PTPRN: variants seen among roughly 807,000 people sequenced by gnomAD.
PTPRN encodes the protein receptor-type tyrosine-protein phosphatase-like N.
In PTPRN, 70 loss-of-function variants were observed where a neutral mutation model predicts 108.5. The ratio of observed to expected loss-of-function variants is 0.65; its 90% confidence interval spans 0.53 to 0.79. PTPRN has a LOEUF of 0.79. PTPRN is among the 30% of genes least tolerant of loss of function. The pLI is 0.00. For synonymous variants in PTPRN, 496 were observed against 524.6 expected (o/e 0.95, Z 0.75); for missense variants, 1,136 against 1,295.5 (o/e 0.88, Z 1.89).
rs1433350879 is a variant in PTPRN, at chr2:219,302,835, G to C, written c.380C>G (p.Ser127Cys). 6.2e-7 allele frequency: 1 copy of C among 1,610,350 alleles called. No individual in the cohort carries two copies. The change falls in exon 5 of 23, where the codon TCT (serine) becomes TGT (cysteine). Residue 127 changes from serine (S) to cysteine (C), a missense_variant and splice_region_variant. Transcript: ENST00000295718. ...ACCAGGTCTCTTGGGTGCCAAGCCA[G>C]ACCTGTAGAGGAAAGCAAAGTGTGT... Reference protein sequence around the residue: ...RPPEPRPRDRSGLAPKRPGPA... With the variant: ...RPPEPRPRDRCGLAPKRPGPA...
chr2:219,302,282 C>T lies in PTPRN; in HGVS notation c.849G>A (p.Gln283=), dbSNP rs767180112. Residue 283 remains glutamine, a synonymous_variant, in exon 6 of 23, where the codon CAG becomes CAA. Transcript: ENST00000295718. ...TGGCCCTGCTGGGTGCTGGCAACTC[C>T]TGGGCCAGATAGAGCAGCCCAGAGT... The part of the protein sequence containing the change: ...FQDSGLLYLA[Q]ELPAPSRARV... The T allele has an allele frequency of 6.2e-6, 10 of 1,614,068 alleles. No homozygotes were observed. The East Asian group carries it at 2.2e-4, about 36-fold the overall frequency.
Position 219,297,332 on chromosome 2 carries a change from G to A in PTPRN, c.1989C>T (p.Asp663=), listed in dbSNP as rs17847405. 36,909 of 1,613,980 alleles carry A rather than the reference G, an allele frequency of 0.023. 900 individuals are homozygous for A. Among genetic ancestry groups the A allele is most frequent in the East Asian group, 0.097 (4,372 of 44,876 alleles). ...RVSSVSSQFS[D]AAQASPSSHS... Reference sequence around the variant, plus strand: ...GGGAGCTGGGGCTGGCCTGGGCTGCGTCGCTGAACTGGGAGGACACACTGC... The same window carrying A: ...GGGAGCTGGGGCTGGCCTGGGCTGCATCGCTGAACTGGGAGGACACACTGC... Residue 663 remains aspartate (D), a synonymous_variant, in exon 14 of 23, where the codon GAC becomes GAT. Transcript: ENST00000295718. This position sits in a 1 kb window ranked among gnomAD's most constrained non-coding sequence, Gnocchi z 6.0.
chr2:219,300,894 G>C, intron 8 of PTPRN, 49 bp downstream of exon 8: 1 of 1,593,510 alleles, frequency 6.3e-7, no homozygotes, highest in Non-Finnish European at 8.6e-7. Context: ...TGGCAAGGGG[G>C]CGTGCTGCCA....
In PTPRN at chr2:219,296,861, G is replaced by C; in HGVS notation, c.2237-39C>G. 1 of 1,613,956 alleles carries C rather than the reference G, an allele frequency of 6.2e-7. No individual in the cohort carries two copies. The highest frequency in any genetic ancestry group is 8.5e-7 in the Non-Finnish European group (1 of 1,179,892). On this transcript the variant is annotated intron_variant, in intron 15 of 22. Transcript: ENST00000295718. This position sits in a 1 kb window ranked among gnomAD's most constrained non-coding sequence, Gnocchi z 6.0. ...ACACCCCACCCCAGATGGCCCTCTGGTCATTGGCATCGCGGGACCTCTGCC... is the reference window on the plus strand; with the variant it reads ...ACACCCCACCCCAGATGGCCCTCTGCTCATTGGCATCGCGGGACCTCTGCC...
In PTPRN at chr2:219,300,105, G is replaced by A. The variant is rs746098477; in HGVS notation, c.1316C>T (p.Pro439Leu). 1.9e-6 allele frequency: 3 copies of A among 1,614,174 alleles called. No individual in the cohort carries two copies. Among genetic ancestry groups the A allele is most frequent in the Non-Finnish European group, 2.5e-6 (3 of 1,180,006 alleles). ...CTTCTCTAGCAGGACAGGTGTCACA[G>A]GGGGTCTGGCAGCTTTGGGAGGCTC... ...SSEPPKAARP[P>L]VTPVLLEKKS... Residue 439 changes from proline (P) to leucine (L), a missense_variant, in exon 9 of 23, where the codon CCT (proline) becomes CTT (leucine). By Grantham distance (98) the Pro-to-Leu change is moderately conservative. Coordinates refer to ENST00000295718, the MANE Select transcript of PTPRN (RefSeq NM_002846.4).
Position 219,309,202 on chromosome 2 carries a change from CAA to C in PTPRN, c.115+14_115+15del. The C allele has an allele frequency of 6.6e-7, 1 of 1,516,600 alleles. No individual in the cohort carries two copies. The highest frequency in any genetic ancestry group is 8.9e-7 in the Non-Finnish European group (1 of 1,125,994). 93.9% of individuals were successfully genotyped at this position (1,516,600 alleles called of 1,614,324 possible). A position where few individuals can be genotyped will look rare whatever the true frequency, so the allele number is the denominator to read the frequency against. On this transcript the variant is annotated intron_variant, in intron 1 of 22. Coordinates refer to ENST00000295718, the MANE Select transcript of PTPRN (RefSeq NM_002846.4). ...CCCCGCCCCCCACCACCCGCCAGCCCAAGTTTCCTCCTGACCGTGGGCACTAA... is the reference window on the plus strand; with the variant it reads ...CCCCGCCCCCCACCACCCGCCAGCCCGTTTCCTCCTGACCGTGGGCACTAA...
rs1162635372 is a variant in PTPRN at position 219,307,468 on chromosome 2, C to T, written c.256G>A (p.Val86Met). Residue 86 changes from valine (V) to methionine (M), a missense_variant, in exon 3 of 23, where the codon GTG (valine) becomes ATG (methionine). By Grantham distance (21) the Val-to-Met change is conservative. Transcript: ENST00000295718. ...CCTTGGGACATGAGTTGTCGGAGCACACCTTGTAAGCGTTGGAGAACTGGG... is the reference window on the plus strand; with the variant it reads ...CCTTGGGACATGAGTTGTCGGAGCATACCTTGTAAGCGTTGGAGAACTGGG... ...TSPVLQRLQG[V>M]LRQLMSQGLS... 6.2e-7 allele frequency: 1 copy of T among 1,614,140 alleles called. No individual in the cohort carries two copies. The highest frequency in any genetic ancestry group is 8.5e-7 in the Non-Finnish European group (1 of 1,180,016).
chr2:219,307,077 A>G (rs901162955), intron 3 of PTPRN: 4 of 174,598 alleles, frequency 2.3e-5, no homozygotes, highest in Non-Finnish European at 4.8e-5. Context: ...TATGCCTGCT[A>G]CATAGTAAGT....
At chr2:219,293,963 CCT>C (rs745910267) in intron 19 of PTPRN, 11 of 425,830 alleles carry the variant, frequency 2.6e-5, no homozygotes, top group Non-Finnish European at 3.4e-5. Flanking sequence ...TCAGGTAGCC[CCT>C]GTCTAGTCCC....
intron 3 of PTPRN, among the ~76,000 whole-genome samples, chr2:219,305,882 G>T (rs1952472420): frequency 6.6e-6 from 1 of 152,156 alleles, no homozygotes; most frequent in Non-Finnish European, 1.5e-5. Context: ...GAGCGCGGTT[G>T]CTCACACCTG....
chr2:219,306,556 AAATC>A (rs1952489047), intron 3 of PTPRN, among the ~76,000 whole-genome samples: 1 of 152,208 alleles, frequency 6.6e-6, no homozygotes, highest in Non-Finnish European at 1.5e-5. Context: ...CCCAAGCTCC[AAATC>A]TTGTAATAGT....
At position 219,296,458 on chromosome 2, in the gene PTPRN, G is replaced by A. The variant is rs745631179; in HGVS notation, c.2369C>T (p.Thr790Ile). 5.5e-5 allele frequency: 89 copies of A among 1,614,070 alleles called. No homozygotes were observed. Among genetic ancestry groups the A allele is most frequent in the Non-Finnish European group, 7.4e-5 (87 of 1,180,030 alleles). ...GCCCACCTGCCAGAAGTCTGCGATG[G>A]TATGGGACAGCGGGCCCTGCGTGGC... ...YIATQGPLSH[T>I]IADFWQMVWE... Residue 790 changes from threonine (T) to isoleucine (I), a missense_variant, in exon 17 of 23, where the codon ACC becomes ATC. Physicochemically the swap from Thr to Ile is moderately conservative, Grantham distance 89. Coordinates refer to ENST00000295718, the MANE Select transcript of PTPRN (RefSeq NM_002846.4). The surrounding 1 kb of genome is among the most constrained non-coding windows in gnomAD (Gnocchi z 6.0).
intron 12 of PTPRN, among the ~76,000 whole-genome samples, chr2:219,298,791 A>G (rs1315570197): frequency 6.6e-6 from 1 of 152,272 alleles, no homozygotes; most frequent in Non-Finnish European, 1.5e-5. Flanking sequence ...ACTGCGCTCC[A>G]GCAGACTAAG....
At position 219,289,984 on chromosome 2, in the gene PTPRN, C is replaced by T; in HGVS notation, c.*242G>A. On this transcript the variant is annotated 3_prime_UTR_variant, in exon 23 of 23. Coordinates refer to ENST00000295718, the MANE Select transcript of PTPRN (RefSeq NM_002846.4). ...CTCTGGGTAGAATTGCTACCCATGTCCTTTCCTCTCCTCCTGGCTGCAGCA... is the reference window on the plus strand; with the variant it reads ...CTCTGGGTAGAATTGCTACCCATGTTCTTTCCTCTCCTCCTGGCTGCAGCA... 1 of 550,824 alleles carries T rather than the reference C, an allele frequency of 1.8e-6. No homozygotes were observed. The highest frequency in any genetic ancestry group is 4.8e-4 in the Middle Eastern group (1 of 2,064). 34.1% of individuals were successfully genotyped at this position (550,824 alleles called of 1,614,324 possible).
In PTPRN at chr2:219,296,006, G is replaced by C; in HGVS notation, c.2508+220C>G. The C allele has an allele frequency of 1.8e-6, 1 of 564,422 alleles. No homozygotes were observed. 35.0% of individuals were successfully genotyped at this position (564,422 alleles called of 1,614,324 possible). On this transcript the variant is annotated intron_variant, in intron 18 of 22. Transcript: ENST00000295718. The surrounding 1 kb of genome is among the most constrained non-coding windows in gnomAD (Gnocchi z 6.0). The stretch of plus-strand genomic sequence containing the variant: ...CACACACACACACACACACACACAT[G>C]TATGTTCTGTAAACAGGACACACAC...
At chr2:219,305,151 C>G (rs915075350) in intron 3 of PTPRN, among the ~76,000 whole-genome samples, 4 of 151,866 alleles carry the variant, frequency 2.6e-5, no homozygotes, top group African/African-American at 7.3e-5. Context: ...TTCTGGGACA[C>G]TGAACACTGT....
chr2:219,298,922 C>T (rs1231771738), intron 12 of PTPRN, 125 bp downstream of exon 12: 29 of 1,153,472 alleles, frequency 2.5e-5, no homozygotes, highest in Middle Eastern at 1.9e-4. Context: ...GGGCGAAGGC[C>T]GCCTCCAGCC....
Position 219,297,957 on chromosome 2 carries a change from C to T in PTPRN, c.1815G>A (p.Arg605=). 6.2e-7 allele frequency: 1 copy of T among 1,613,720 alleles called. No homozygotes were observed. Among genetic ancestry groups the T allele is most frequent in the Non-Finnish European group, 8.5e-7 (1 of 1,179,992 alleles). ...AVALCVRQHA[R]QQDKERLAAL... is the part of the protein sequence containing the mutation. ...CTGCCAGGCGCTCCTTGTCTTGCTG[C>T]CGCGCATGCTGCCGCACACACAGAG... is the stretch of plus-strand genomic sequence containing the variant. Residue 605 remains arginine, a synonymous_variant, in exon 13 of 23, where the codon CGG becomes CGA. Coordinates refer to ENST00000295718, the MANE Select transcript of PTPRN (RefSeq NM_002846.4). This position sits in a 1 kb window ranked among gnomAD's most constrained non-coding sequence, Gnocchi z 6.0.
At chr2:219,294,944 G>C in intron 19 of PTPRN, 31 bp downstream of exon 19, 1 of 1,483,498 alleles carries the variant, frequency 6.7e-7, no homozygotes, top group Non-Finnish European at 8.9e-7. Context: ...CCGCCCATGC[G>C]GTCCCTCCAG....
Sources: allele counts gnomAD v4.1 joint callset (sites outside exome capture counted in the v4.1 genomes callset), GRCh38; gene constraint gnomAD v4.1.1; non-coding constraint Gnocchi (gnomAD v3.1); transcripts MANE v1.5; gene names NCBI Gene and HGNC (gene_info 2026-07-23, HGNC 2026-07-21).